The following SMCHD1 variants were observed in gnomAD, a reference collection of about 807,000 sequenced individuals.
The protein encoded by SMCHD1 is structural maintenance of chromosomes flexible hinge domain containing 1.
In SMCHD1, 78 loss-of-function variants were observed where a neutral mutation model predicts 254.7. The observed-to-expected ratio is 0.31, with a 90% CI of 0.26 to 0.37. SMCHD1 has a LOEUF of 0.37. Among genes scored for constraint, SMCHD1 ranks in the 10% least tolerant of loss-of-function variants. The probability of loss-of-function intolerance (pLI) is 1.00; values close to 1 mark genes in which losing one functional copy is unlikely to be tolerated. For missense variants in SMCHD1, 1,840 were observed against 2,408.1 expected (o/e 0.76, Z 4.94); for synonymous variants, 766 against 794.9 (o/e 0.96, Z 0.61).
At chr18:2,755,724 C>T (rs146323464) in intron 34 of SMCHD1, among the ~76,000 whole-genome samples, 24 of 151,758 alleles carry the variant, frequency 1.6e-4, no homozygotes, top group African/African-American at 3.4e-4. Context: ...CCTGCCACCA[C>T]GCCCAGCTAA....
rs765402431 is a variant in SMCHD1, at chr18:2,802,720, A to G, written c.*168A>G. The G allele has an allele frequency of 4.0e-6, 2 of 504,360 alleles. No individual in the cohort carries two copies. Among genetic ancestry groups the G allele is most frequent in the Non-Finnish European group, 6.9e-6 (2 of 287,870 alleles). 31.2% of individuals were successfully genotyped at this position (504,360 alleles called of 1,614,324 possible). On this transcript the variant is annotated 3_prime_UTR_variant, in exon 48 of 48. Coordinates refer to ENST00000320876, the MANE Select transcript of SMCHD1 (RefSeq NM_015295.3). The stretch of plus-strand genomic sequence containing the variant: ...GATTCAGATGGGACTGGAAACAACC[A>G]TTCAATTTTATGAATCTTACTGGAC...
intron 7 of SMCHD1, 101 bp downstream of exon 7, chr18:2,688,848 T>G: frequency 1.4e-6 from 1 of 722,750 alleles, no homozygotes; most frequent in East Asian, 3.1e-5. Flanking sequence ...TGAGTTACCC[T>G]TTCCTTTAGT....
At chr18:2,731,525 G>T (rs1330814686) in intron 24 of SMCHD1, among the ~76,000 whole-genome samples, 1 of 152,052 alleles carries the variant, frequency 6.6e-6, no homozygotes, top group Non-Finnish European at 1.5e-5. Context: ...AATGTGTTAT[G>T]AATTGAAAAA....
Position 2,733,258 on chromosome 18 carries a change from G to A in SMCHD1, c.3276+766G>A, listed in dbSNP as rs1439043606. Among the ~76,000 whole-genome samples, 3 of 152,138 alleles carry A rather than the reference G, an allele frequency of 2.0e-5. No homozygotes were observed. The East Asian group carries it at 5.8e-4, about 29-fold the overall frequency. On this transcript the variant is annotated intron_variant, in intron 25 of 47. Transcript: ENST00000320876. ...AAATTGTACAATAAAAAATCACAGG[G>A]CTTATGAGGGAAAATGGAAACTAGA... is the stretch of plus-strand genomic sequence containing the variant.
chr18:2,701,579 G>A (rs936339544), intron 12 of SMCHD1, among the ~76,000 whole-genome samples: 1 of 152,160 alleles, frequency 6.6e-6, no homozygotes, highest in Non-Finnish European at 1.5e-5. Flanking sequence ...ACCTAGTTGT[G>A]CAATTTTTAG....
intron 23 of SMCHD1, 127 bp downstream of exon 23, chr18:2,728,723 T>C: frequency 7.9e-6 from 8 of 1,016,186 alleles, no homozygotes; most frequent in Non-Finnish European, 1.1e-5. Context: ...GAAGGATTTG[T>C]GGGATCTTAT....
chr18:2,701,155 G>GTTTTTT, intron 12 of SMCHD1: 2 of 228,122 alleles, frequency 8.8e-6, no homozygotes, highest in East Asian at 7.6e-5. Context: ...ATCTTCATTA[G>GTTTTTT]TTTTTTTTGT....
At chr18:2,768,035 A>G (rs1026991696) in intron 37 of SMCHD1, among the ~76,000 whole-genome samples, 1 of 152,152 alleles carries the variant, frequency 6.6e-6, no homozygotes, top group Non-Finnish European at 1.5e-5. Flanking sequence ...TGGGACCACC[A>G]TTGTACATGT....
intron 13 of SMCHD1, among the ~76,000 whole-genome samples, chr18:2,705,310 G>A (rs2074488574): frequency 6.6e-6 from 1 of 152,068 alleles, no homozygotes. Context: ...TGATGTATTT[G>A]AAAAATAATA....
At position 2,707,940 on chromosome 18, in the gene SMCHD1, T is replaced by A; in HGVS notation, c.2260+20T>A. On this transcript the variant is annotated intron_variant, in intron 17 of 47. Coordinates refer to ENST00000320876, the MANE Select transcript of SMCHD1 (RefSeq NM_015295.3). Reference sequence around the variant, plus strand: ...TACATTGTAAGTATACAAACTAATTTAGATCTTTAATATTGTTTTTAAAAT... The same window carrying A: ...TACATTGTAAGTATACAAACTAATTAAGATCTTTAATATTGTTTTTAAAAT... 7.4e-7 allele frequency: 1 copy of A among 1,358,388 alleles called. No individual in the cohort carries two copies. The highest frequency in any genetic ancestry group is 1.0e-6 in the Non-Finnish European group (1 of 992,982). The allele number at this position is 1,358,388 out of a possible 1,614,324, so 84.1% of individuals were successfully genotyped here. A position where few individuals can be genotyped will look rare whatever the true frequency, so the allele number is the denominator to read the frequency against.
intron 1 of SMCHD1, among the ~76,000 whole-genome samples, chr18:2,662,607 T>C (rs2073317755): frequency 1.4e-5 from 2 of 140,138 alleles, no homozygotes; most frequent in African/African-American, 5.5e-5. Context: ...ATCGTGCCAT[T>C]GCACTCCAGC....
At chr18:2,667,579 G>A (rs1235484097) in intron 3 of SMCHD1, among the ~76,000 whole-genome samples, 6 of 151,928 alleles carry the variant, frequency 3.9e-5, no homozygotes, top group South Asian at 2.1e-4. Flanking sequence ...CATGTTCATC[G>A]TAAACTTTTG....
chr18:2,743,459 A>G (rs538700377), intron 28 of SMCHD1, among the ~76,000 whole-genome samples: 1 of 152,300 alleles, frequency 6.6e-6, no homozygotes, highest in East Asian at 1.9e-4. Flanking sequence ...AACAAGTATA[A>G]AAGCTATTCA....
At chr18:2,673,976 T>C in intron 4 of SMCHD1, 39 bp from the exon 5 acceptor site, 1 of 1,539,864 alleles carries the variant, frequency 6.5e-7, no homozygotes, top group Non-Finnish European at 8.7e-7. Context: ...AGTATTGATT[T>C]GACTTTTCCT....
chr18:2,674,055 T>C lies in SMCHD1; in HGVS notation c.548T>C (p.Ile183Thr), dbSNP rs778754071. The stretch of plus-strand genomic sequence containing the variant: ...CAAGGAAAACCTGCTGTTGCAGTGA[T>C]AGATAATGGAAGAGGAATGACCTCT... Reference protein sequence around the residue: ...ETQGKPAVAVIDNGRGMTSKQ... With the variant: ...ETQGKPAVAVTDNGRGMTSKQ... Residue 183 changes from isoleucine (I) to threonine (T), a missense_variant, in exon 5 of 48, where the codon ATA becomes ACA. Ile to Thr is a moderately conservative substitution (Grantham distance 89, BLOSUM62 -1). Transcript: ENST00000320876. 7 of 1,599,126 alleles carry C rather than the reference T, an allele frequency of 4.4e-6. No individual in the cohort carries two copies. Among genetic ancestry groups the C allele is most frequent in the Non-Finnish European group, 6.0e-6 (7 of 1,172,170 alleles).
intron 1 of SMCHD1, among the ~76,000 whole-genome samples, chr18:2,659,780 AAAGC>A (rs1198156006): frequency 5.0e-5 from 7 of 139,320 alleles, no homozygotes; most frequent in Non-Finnish European, 1.1e-4. Flanking sequence ...AAAAAAAAAA[AAAGC>A]AGAAAACTAT....
chr18:2,663,212 C>T (rs2073344096), intron 1 of SMCHD1, among the ~76,000 whole-genome samples: 1 of 151,978 alleles, frequency 6.6e-6, no homozygotes, highest in South Asian at 2.1e-4. Flanking sequence ...CTCAGGGGAT[C>T]GTCCAACCTC....
chr18:2,690,958 GAA>G lies in SMCHD1; in HGVS notation c.873+2226_873+2227del, dbSNP rs34253034. Among the ~76,000 whole-genome samples, 812 of 134,108 alleles carry G rather than the reference GAA, an allele frequency of 6.1e-3. 5 individuals carry two copies. Among genetic ancestry groups the G allele is most frequent in the African/African-American group, 0.019 (680 of 36,444 alleles). The allele number at this position is 134,108 out of a possible 152,430, so 88.0% of individuals were successfully genotyped here. A position where few individuals can be genotyped will look rare whatever the true frequency, so the allele number is the denominator to read the frequency against. Reference sequence around the variant, plus strand: ...GCAAAATGTTGGCCATTTGATAATTGAAAAAAAAAAAAAAAACCTTTTCTTTC... The same window carrying G: ...GCAAAATGTTGGCCATTTGATAATTGAAAAAAAAAAAAAACCTTTTCTTTC... On this transcript the variant is annotated intron_variant, in intron 7 of 47. Transcript: ENST00000320876.
At chr18:2,784,698 A>G in intron 45 of SMCHD1, 77 bp downstream of exon 45, 1 of 1,393,244 alleles carries the variant, frequency 7.2e-7, no homozygotes. Flanking sequence ...ATGTTTTGAG[A>G]ATCTAACATG....
Sources: allele counts gnomAD v4.1 joint callset (sites outside exome capture counted in the v4.1 genomes callset), GRCh38; gene constraint gnomAD v4.1.1; transcripts MANE v1.5; gene names NCBI Gene and HGNC (gene_info 2026-07-23, HGNC 2026-07-21).